The following ZNF202 variants were observed in gnomAD, a reference collection of about 807,000 sequenced individuals.
The protein encoded by ZNF202 is zinc finger protein with KRAB and SCAN domains 10.
A neutral mutation model predicts 54.5 loss-of-function variants in ZNF202; 22 were observed. The ratio of observed to expected loss-of-function variants is 0.40; its 90% CI spans 0.29 to 0.58. The LOEUF is 0.58. Among genes scored for constraint, ZNF202 ranks in the 20% least tolerant of loss-of-function variants. ZNF202 has a pLI of 0.39. For missense variants in ZNF202, 644 were observed against 805.5 expected (o/e 0.80, Z 2.43); for synonymous variants, 294 against 301.4 (o/e 0.98, Z 0.26).
At chr11:123,741,159 G>A (rs1861847294) in intron 1 of ZNF202, among the ~76,000 whole-genome samples, 1 of 152,064 alleles carries the variant, frequency 6.6e-6, no homozygotes, top group Admixed American at 6.5e-5. Flanking sequence ...AAAAAGCTGC[G>A]GAAAATAAAG....
chr11:123,735,334 T>C (rs1009823488), intron 3 of ZNF202, among the ~76,000 whole-genome samples: 1 of 152,186 alleles, frequency 6.6e-6, no homozygotes, highest in South Asian at 2.1e-4. Context: ...GAAGAGTTCC[T>C]GCTCTCTCAA....
intron 3 of ZNF202, among the ~76,000 whole-genome samples, chr11:123,733,913 C>T (rs1036295159): frequency 1.8e-4 from 27 of 152,216 alleles, no homozygotes; most frequent in Admixed American, 3.9e-4. Flanking sequence ...GTAACTTTCA[C>T]ACAGCGTCAG....
intron 3 of ZNF202, among the ~76,000 whole-genome samples, chr11:123,731,511 C>T (rs182382857): frequency 1.3e-5 from 2 of 152,314 alleles, no homozygotes; most frequent in African/African-American, 4.8e-5. Flanking sequence ...AATGTGTATC[C>T]ATGGTTGAGA....
At chr11:123,727,912 C>A (rs687414) in intron 7 of ZNF202, among the ~76,000 whole-genome samples, 106,766 of 152,098 alleles carry the variant, frequency 0.7, 37,765 homozygotes, top group Middle Eastern at 0.82. Context: ...CTAAAGCTGT[C>A]ATATTACAAG....
In ZNF202 at chr11:123,737,638, T is replaced by G. The variant is rs140610463; in HGVS notation, c.-98+2479A>C. The stretch of plus-strand genomic sequence containing the variant: ...GAATAAACATGTCATTGAGAGTAAA[T>G]GTAAACACAAAAATGAAAAATAAAA... On this transcript the variant is annotated intron_variant, in intron 3 of 8. Transcript: ENST00000530393. 3.3e-5 allele frequency among the ~76,000 whole-genome samples: 5 copies of G among 152,002 alleles called. No homozygotes were observed. In the East Asian group the frequency reaches 7.8e-4, roughly 24 times the overall value.
At chr11:123,741,266 A>G (rs1861854575) in intron 1 of ZNF202, among the ~76,000 whole-genome samples, 2 of 152,136 alleles carry the variant, frequency 1.3e-5, no homozygotes, top group South Asian at 4.1e-4. Flanking sequence ...TGCAGGCCCC[A>G]GGAGGGGGCG....
Position 123,730,870 on chromosome 11 carries a change from G to C in ZNF202, c.19C>G (p.Pro7Ala). 1.2e-6 allele frequency: 2 copies of C among 1,613,670 alleles called. No homozygotes were observed. The highest frequency in any genetic ancestry group is 1.7e-6 in the Non-Finnish European group (2 of 1,179,722). Residue 7 changes from proline (P) to alanine (A), a missense_variant, in exon 4 of 9, where the codon CCA becomes GCA. Physicochemically the swap from Pro to Ala is conservative, Grantham distance 27. Transcript: ENST00000530393. This position sits in a 1 kb window ranked among gnomAD's most constrained non-coding sequence, Gnocchi z 6.0. Reference protein sequence around the residue: MATAVEPEDQDLWEEEG... With the variant: MATAVEAEDQDLWEEEG... ...TCTTCCCAAAGATCCTGGTCCTCTG[G>C]TTCCACGGCTGTAGCCATTTCTTGG... is the stretch of plus-strand genomic sequence containing the variant.
Position 123,725,838 on chromosome 11 carries a change from C to T in ZNF202, c.*159G>A. On this transcript the variant is annotated 3_prime_UTR_variant, in exon 9 of 9. Coordinates refer to ENST00000530393, the MANE Select transcript of ZNF202 (RefSeq NM_003455.4). ...GTAGAGGAAGGCTGAGAGGTTCTGC[C>T]CAGGCTCGTGTTTAGTTGCAGGAAG... The T allele has an allele frequency of 2.4e-6, 2 of 839,234 alleles. No individual in the cohort carries two copies. The highest frequency in any genetic ancestry group is 3.6e-6 in the Non-Finnish European group (2 of 558,856). The allele number at this position is 839,234 out of a possible 1,614,324, so 52.0% of individuals were successfully genotyped here.
At chr11:123,735,982 T>A (rs1010466543) in intron 3 of ZNF202, among the ~76,000 whole-genome samples, 4 of 152,144 alleles carry the variant, frequency 2.6e-5, no homozygotes, top group African/African-American at 7.2e-5. Flanking sequence ...CAGGATTAAG[T>A]AAGAGACTTG....
In ZNF202 at chr11:123,730,558, GCC is replaced by G; in HGVS notation, c.329_330del (p.Arg110ProfsTer47). 6.3e-7 allele frequency: 1 copy of G among 1,578,736 alleles called. No homozygotes were observed. Among genetic ancestry groups the G allele is most frequent in the Non-Finnish European group, 8.6e-7 (1 of 1,165,564 alleles). On this transcript the variant is annotated frameshift_variant, in exon 4 of 9. Coordinates refer to ENST00000530393, the MANE Select transcript of ZNF202 (RefSeq NM_003455.4). LOFTEE classifies it high-confidence loss of function. This position sits in a 1 kb window ranked among gnomAD's most constrained non-coding sequence, Gnocchi z 6.0. Reference sequence around the variant, plus strand: ...GTCACTGCCTCCTCGCCACTTTCTGGCCGTTGGCCCCGCACCCAGCTCTGTAG... The same window carrying G: ...GTCACTGCCTCCTCGCCACTTTCTGGGTTGGCCCCGCACCCAGCTCTGTAG... The part of the protein sequence containing the change: ...GELQSWVRGQ[R>X]PESGEEAVTL...
At chr11:123,734,587 G>A (rs1016465663) in intron 3 of ZNF202, among the ~76,000 whole-genome samples, 4 of 152,112 alleles carry the variant, frequency 2.6e-5, no homozygotes, top group African/African-American at 7.2e-5. Flanking sequence ...ACAGGAACTT[G>A]TATCTCCCCC....
chr11:123,737,931 T>A (rs1048618067), intron 3 of ZNF202, among the ~76,000 whole-genome samples: 1 of 152,178 alleles, frequency 6.6e-6, no homozygotes, highest in African/African-American at 2.4e-5. Context: ...ATATACAGCA[T>A]CTCTATTGAA....
chr11:123,729,228 A>G lies in ZNF202; in HGVS notation c.614-14T>C. 1 of 1,611,118 alleles carries G rather than the reference A, an allele frequency of 6.2e-7. No individual in the cohort carries two copies. Among genetic ancestry groups the G allele is most frequent in the Non-Finnish European group, 8.5e-7 (1 of 1,179,448 alleles). The stretch of plus-strand genomic sequence containing the variant: ...GCACTGGGACCTCTATGAAGAAAAG[A>G]AGGCAAAGATCAGTAATATGCAGCA... On this transcript the variant is annotated splice_polypyrimidine_tract_variant and intron_variant, in intron 5 of 8. Transcript: ENST00000530393.
At chr11:123,735,229 C>T (rs9326264) in intron 3 of ZNF202, among the ~76,000 whole-genome samples, 92,921 of 151,974 alleles carry the variant, frequency 0.61, 28,783 homozygotes, top group Middle Eastern at 0.8. Flanking sequence ...TGAGAACCGA[C>T]GTCCAGTGAA....
In ZNF202 at chr11:123,725,751, C is replaced by A; in HGVS notation, c.*246G>T. ...TATACCCATGAGGTAGAGGCAGGTG[C>A]ACTCCAGTGAAGGAGAAGCCTCAAT... On this transcript the variant is annotated 3_prime_UTR_variant, in exon 9 of 9. Transcript: ENST00000530393. The A allele has an allele frequency of 2.0e-6, 1 of 497,310 alleles. No homozygotes were observed. Among genetic ancestry groups the A allele is most frequent in the South Asian group, 3.3e-5 (1 of 30,344 alleles). The allele number at this position is 497,310 out of a possible 1,614,324, so 30.8% of individuals were successfully genotyped here.
At chr11:123,737,115 T>G (rs1861663264) in intron 3 of ZNF202, among the ~76,000 whole-genome samples, 2 of 152,004 alleles carry the variant, frequency 1.3e-5, no homozygotes, top group Non-Finnish European at 2.9e-5. Flanking sequence ...GGAATACAGA[T>G]GAGAAGGAAC....
At chr11:123,728,529 T>C (rs1490143380) in intron 6 of ZNF202, among the ~76,000 whole-genome samples, 2 of 152,230 alleles carry the variant, frequency 1.3e-5, no homozygotes, top group Non-Finnish European at 2.9e-5. Context: ...TTAAAAATCA[T>C]CATTCAGCTC....
intron 7 of ZNF202, 77 bp from the exon 8 acceptor site, chr11:123,727,672 G>C: frequency 1.3e-6 from 2 of 1,577,870 alleles, no homozygotes; most frequent in African/African-American, 2.7e-5. Context: ...TTTTCTATTT[G>C]GTAGGTTGTG....
intron 5 of ZNF202, 112 bp downstream of exon 5, chr11:123,729,503 T>G (rs1471895223): frequency 1.6e-6 from 2 of 1,281,260 alleles, no homozygotes; most frequent in East Asian, 5.1e-5. Context: ...TGTGATGTCT[T>G]TCCATACAGT....
Sources: gnomAD v4.1 joint callset for allele counts (sites outside exome capture counted in the v4.1 genomes callset) on GRCh38, gnomAD v4.1.1 for gene constraint, Gnocchi (gnomAD v3.1) non-coding constraint, MANE v1.5 for transcripts, NCBI Gene and HGNC (gene_info 2026-07-23, HGNC 2026-07-21) for gene names.